PHACTR1: variants seen among roughly 807,000 people sequenced by gnomAD.
PHACTR1 encodes the protein RPEL repeat containing 1.
A neutral mutation model predicts 69.2 loss-of-function variants in PHACTR1; 16 were observed. That is an observed-to-expected ratio of 0.23 (90% confidence interval 0.16 to 0.35). The LOEUF (loss-of-function observed/expected upper bound fraction) is 0.35. Ranked by LOEUF, PHACTR1 falls within the 10% of genes least tolerant of loss-of-function variation. PHACTR1 has a pLI of 1.00. For missense variants in PHACTR1, 510 were observed against 734.7 expected, an observed-to-expected ratio of 0.69 and a Z score of 3.54; for synonymous variants, 312 against 284.5, an observed-to-expected ratio of 1.10 and a Z score of -0.97.
chr6:13,047,448 C>T (rs1018581164), intron 4 of PHACTR1, among the ~76,000 whole-genome samples: 2 of 151,204 alleles, frequency 1.3e-5, no homozygotes, highest in Non-Finnish European at 2.9e-5. Flanking sequence ...CCTACCTTAC[C>T]TCCACTCTGA....
Position 13,283,606 on chromosome 6 carries a change from G to C in PHACTR1, c.1650+44G>C. On this transcript the variant is annotated intron_variant, in intron 13 of 14. Transcript: ENST00000332995. This position sits in a 1 kb window ranked among gnomAD's most constrained non-coding sequence, Gnocchi z 4.7. ...TGGAGAGTGGGAGGCAGGACCGTCTGCTGGGTCTCGCTGGGCTCACCGCTG... is the reference window on the plus strand; with the variant it reads ...TGGAGAGTGGGAGGCAGGACCGTCTCCTGGGTCTCGCTGGGCTCACCGCTG... 6.2e-7 allele frequency: 1 copy of C among 1,612,884 alleles called. No homozygotes were observed. Among genetic ancestry groups the C allele is most frequent in the Non-Finnish European group, 8.5e-7 (1 of 1,179,758 alleles).
At chr6:13,038,824 G>A (rs1419642021) in intron 4 of PHACTR1, among the ~76,000 whole-genome samples, 1 of 152,190 alleles carries the variant, frequency 6.6e-6, no homozygotes, top group African/African-American at 2.4e-5. Context: ...AGACCAAGAT[G>A]CCTCCTAGCT....
At chr6:12,973,435 C>T (rs778428828) in intron 4 of PHACTR1, among the ~76,000 whole-genome samples, 11 of 152,278 alleles carry the variant, frequency 7.2e-5, no homozygotes, top group Middle Eastern at 3.4e-3. Flanking sequence ...TACAAAATAA[C>T]TTTCATATGT....
intron 4 of PHACTR1, among the ~76,000 whole-genome samples, chr6:12,963,294 TC>T (rs1283203534): frequency 2.0e-5 from 3 of 152,140 alleles, no homozygotes; most frequent in Non-Finnish European, 4.4e-5. Context: ...GCTCACTGCT[TC>T]CTCTTCCCCT....
chr6:13,091,954 C>T (rs539775560), intron 5 of PHACTR1, among the ~76,000 whole-genome samples: 6 of 152,272 alleles, frequency 3.9e-5, no homozygotes, highest in Admixed American at 6.5e-5. Flanking sequence ...CATATGACCA[C>T]GCCTGGCTAA....
At chr6:13,015,333 C>T (rs1800022925) in intron 4 of PHACTR1, among the ~76,000 whole-genome samples, 2 of 152,226 alleles carry the variant, frequency 1.3e-5, no homozygotes, top group Non-Finnish European at 2.9e-5. Context: ...AAAACTGGGA[C>T]GGCACTGGAG....
chr6:12,899,060 A>G (rs1488556357), intron 4 of PHACTR1, among the ~76,000 whole-genome samples: 5 of 152,144 alleles, frequency 3.3e-5, no homozygotes, highest in Admixed American at 3.3e-4. Context: ...GGTCCCCAGT[A>G]TCTGTGACAG....
At chr6:13,108,695 A>G (rs757939734) in intron 5 of PHACTR1, among the ~76,000 whole-genome samples, 5 of 152,056 alleles carry the variant, frequency 3.3e-5, no homozygotes, top group Non-Finnish European at 5.9e-5. Context: ...GTGTCTAAAT[A>G]GCATATCTTT....
intron 3 of PHACTR1, among the ~76,000 whole-genome samples, chr6:12,739,004 T>C (rs1226307989): frequency 2.6e-5 from 4 of 152,220 alleles, no homozygotes; most frequent in Non-Finnish European, 5.9e-5. Flanking sequence ...GGTTTATTAT[T>C]CACTAGTGGA....
intron 4 of PHACTR1, among the ~76,000 whole-genome samples, chr6:13,018,783 A>G (rs997247054): frequency 6.6e-6 from 1 of 152,128 alleles, no homozygotes; most frequent in Non-Finnish European, 1.5e-5. Flanking sequence ...GATTGCATCC[A>G]CTTCCAAAGG....
At chr6:13,177,874 A>C (rs1271467066) in intron 6 of PHACTR1, among the ~76,000 whole-genome samples, 1 of 152,194 alleles carries the variant, frequency 6.6e-6, no homozygotes, top group Non-Finnish European at 1.5e-5. Flanking sequence ...TGGCTTCTCC[A>C]TGAGGTCATT....
intron 5 of PHACTR1, among the ~76,000 whole-genome samples, chr6:13,102,289 C>G (rs920946940): frequency 6.6e-6 from 1 of 152,100 alleles, no homozygotes; most frequent in African/African-American, 2.4e-5. Context: ...CAACATTGAC[C>G]AAGTTGTCCT....
intron 4 of PHACTR1, among the ~76,000 whole-genome samples, chr6:12,985,482 A>G (rs947457533): frequency 3.3e-5 from 5 of 150,490 alleles, no homozygotes; most frequent in African/African-American, 7.3e-5. Context: ...GCTACTGTTT[A>G]TATTGACCAT....
intron 6 of PHACTR1, among the ~76,000 whole-genome samples, chr6:13,176,531 C>T (rs980957011): frequency 2.0e-5 from 3 of 152,140 alleles, no homozygotes; most frequent in South Asian, 2.1e-4. Context: ...CTGTGTAGCA[C>T]GTATGTTTCC....
intron 5 of PHACTR1, among the ~76,000 whole-genome samples, chr6:13,081,335 A>AT (rs1811340669): frequency 6.6e-6 from 1 of 152,164 alleles, no homozygotes; most frequent in Non-Finnish European, 1.5e-5. Context: ...ATATTCTTGG[A>AT]TTTTAAAACA....
intron 7 of PHACTR1, among the ~76,000 whole-genome samples, chr6:13,204,849 G>T (rs894493834): frequency 6.6e-6 from 1 of 152,218 alleles, no homozygotes; most frequent in African/African-American, 2.4e-5. Context: ...AGCAGTAAAG[G>T]CACTTGCAGA....
chr6:12,985,541 A>AAAT (rs1179784179), intron 4 of PHACTR1, among the ~76,000 whole-genome samples: 115 of 132,754 alleles, frequency 8.7e-4, no homozygotes, highest in African/African-American at 2.6e-3. Context: ...AAAAAAAAAA[A>AAAT]ATATATATAT....
At chr6:12,987,639 G>A (rs1796342759) in intron 4 of PHACTR1, among the ~76,000 whole-genome samples, 1 of 152,136 alleles carries the variant, frequency 6.6e-6, no homozygotes, top group African/African-American at 2.4e-5. Flanking sequence ...TAGTTCTTGA[G>A]CAAATAAAGC....
At chr6:12,717,133 A>G (rs1483931888) in intron 1 of PHACTR1, among the ~76,000 whole-genome samples, 2 of 152,140 alleles carry the variant, frequency 1.3e-5, no homozygotes, top group African/African-American at 2.4e-5. Context: ...TGTATTAATT[A>G]TAACAGGGGA....
Sources: gnomAD v4.1 joint callset for allele counts (sites outside exome capture counted in the v4.1 genomes callset) on GRCh38, gnomAD v4.1.1 for gene constraint, Gnocchi (gnomAD v3.1) non-coding constraint, MANE v1.5 for transcripts, NCBI Gene and HGNC (gene_info 2026-07-23, HGNC 2026-07-21) for gene names.